The following MEST variants were observed in gnomAD, a reference collection of about 807,000 sequenced individuals.
MEST encodes the protein mesoderm-specific transcript homolog protein.
Under a neutral mutation model 50.9 loss-of-function variants are expected in MEST, and 18 were observed. That is an observed-to-expected ratio of 0.35 (90% confidence interval 0.24 to 0.52). The LOEUF (loss-of-function observed/expected upper bound fraction) is 0.52, where lower values mean the gene tolerates loss of function less well. Among genes scored for constraint, MEST ranks in the 20% least tolerant of loss-of-function variants. MEST has a pLI of 0.94. For missense variants in MEST, 282 were observed against 425.3 expected (o/e 0.66, Z 2.96); for synonymous variants, 130 against 154.1 (o/e 0.84, Z 1.16).
chr7:130,500,902 C>T lies in MEST; in HGVS notation c.749+12C>T, dbSNP rs1554438373. The stretch of plus-strand genomic sequence containing the variant: ...TTAGTCATTGACAGGTAAGAAGTTA[C>T]CCTTTGCTTTGGTTTCCAGAGACGT... On this transcript the variant is annotated intron_variant, in intron 9 of 11. Coordinates refer to ENST00000223215, the MANE Select transcript of MEST (RefSeq NM_002402.4). The surrounding 1 kb of genome is among the most constrained non-coding windows in gnomAD (Gnocchi z 5.0). 1 of 1,609,452 alleles carries T rather than the reference C, an allele frequency of 6.2e-7. No homozygotes were observed. The highest frequency in any genetic ancestry group is 1.3e-5 in the African/African-American group (1 of 74,712).
upstream of MEST, chr7:130,487,322 TTGAG>T (rs1315921431): frequency 6.6e-6 from 1 of 152,238 alleles, no homozygotes; most frequent in Non-Finnish European, 1.5e-5. Context: ...ATTTATCTGT[TTGAG>T]TGGATAAAAT....
In MEST at chr7:130,500,543, C is replaced by T; in HGVS notation, c.647+11C>T. 2 of 1,610,838 alleles carry T rather than the reference C, an allele frequency of 1.2e-6. No individual in the cohort carries two copies. The highest frequency in any genetic ancestry group is 1.7e-6 in the Non-Finnish European group (2 of 1,178,148). On this transcript the variant is annotated intron_variant, in intron 8 of 11. Transcript: ENST00000223215. The surrounding 1 kb of genome is among the most constrained non-coding windows in gnomAD (Gnocchi z 5.0). ...TGTATTCTCTCGAGGGTAAGTGTCA[C>T]TGTCAAAGATTGTGGCCTAGAGCAA...
rs1799113239 is a variant in MEST, at chr7:130,497,606, T to C, written c.262-330T>C. Reference sequence around the variant, plus strand: ...AATTTAAAAAACCTCAAGGATTTTGTTGTCAGCACCAGAAGGCTCTTGCAC... The same window carrying C: ...AATTTAAAAAACCTCAAGGATTTTGCTGTCAGCACCAGAAGGCTCTTGCAC... On this transcript the variant is annotated intron_variant, in intron 3 of 11. Coordinates refer to ENST00000223215, the MANE Select transcript of MEST (RefSeq NM_002402.4). This position sits in a 1 kb window ranked among gnomAD's most constrained non-coding sequence, Gnocchi z 4.0. 3.6e-6 allele frequency: 1 copy of C among 278,716 alleles called. No homozygotes were observed. The highest frequency in any genetic ancestry group is 6.7e-6 in the Non-Finnish European group (1 of 149,562). The allele number at this position is 278,716 out of a possible 1,614,324, so 17.3% of individuals were successfully genotyped here. A position where few individuals can be genotyped will look rare whatever the true frequency, so the allele number is the denominator to read the frequency against.
upstream of MEST, among the ~76,000 whole-genome samples, chr7:130,491,876 TG>T (rs1207624064): frequency 6.6e-6 from 1 of 151,852 alleles, no homozygotes; most frequent in Non-Finnish European, 1.5e-5. This position sits in a 1 kb window ranked among gnomAD's most constrained non-coding sequence, Gnocchi z 6.8. Flanking sequence ...AGCGGGGTCT[TG>T]GGGAGGGGGC....
At position 130,500,472 on chromosome 7, in the gene MEST, A is replaced by T; in HGVS notation, c.587A>T (p.Asp196Val). ...RPLLLQKLLKDGGVLSPILTR... is the reference protein window; with the variant it reads ...RPLLLQKLLKVGGVLSPILTR... ...CTTATTCCCCTCCAGCTACTCAAAG[A>T]TGGAGGTGTGCTGTCACCCATCCTC... is the stretch of plus-strand genomic sequence containing the variant. The change falls in exon 8 of 12, where the codon GAT (aspartate) becomes GTT (valine). Residue 196 changes from aspartate (D) to valine (V), a missense_variant. By Grantham distance (152) the Asp-to-Val change is radical. Transcript: ENST00000223215. This position sits in a 1 kb window ranked among gnomAD's most constrained non-coding sequence, Gnocchi z 5.0. 6.2e-7 allele frequency: 1 copy of T among 1,613,494 alleles called. No homozygotes were observed. The highest frequency in any genetic ancestry group is 8.5e-7 in the Non-Finnish European group (1 of 1,179,662).
chr7:130,500,504 C>T lies in MEST; in HGVS notation c.619C>T (p.Leu207=), dbSNP rs932206487. The T allele has an allele frequency of 2.5e-6, 4 of 1,613,834 alleles. No individual in the cohort carries two copies. Among genetic ancestry groups the T allele is most frequent in the Non-Finnish European group, 3.4e-6 (4 of 1,179,898 alleles). ...TGTGCTGTCACCCATCCTCACACGACTGATGAACTTCTTTGTATTCTCTCG... is the reference window on the plus strand; with the variant it reads ...TGTGCTGTCACCCATCCTCACACGATTGATGAACTTCTTTGTATTCTCTCG... The part of the protein sequence containing the change: ...GGVLSPILTR[L]MNFFVFSRGL... The change falls in exon 8 of 12, where the codon CTG becomes TTG. Residue 207 remains leucine, a synonymous_variant. Coordinates refer to ENST00000223215, the MANE Select transcript of MEST (RefSeq NM_002402.4). The surrounding 1 kb of genome is among the most constrained non-coding windows in gnomAD (Gnocchi z 5.0).
At chr7:130,488,004 A>G (rs1430272177), upstream of MEST, 1 of 152,186 alleles carries the variant, frequency 6.6e-6, no homozygotes, top group East Asian at 1.9e-4. Context: ...TAATGTCTTC[A>G]ATTTGCCTTG....
chr7:130,495,697 G>A (rs1799022613), intron 2 of MEST, 175 bp downstream of exon 2: 1 of 605,480 alleles, frequency 1.7e-6, no homozygotes, highest in African/African-American at 1.9e-5. Flanking sequence ...GGAGAATGGG[G>A]GTAGGGACTG....
chr7:130,492,080 C>A (rs1349997710), upstream of MEST: 2 of 252,730 alleles, frequency 7.9e-6, 1 homozygote, highest in African/African-American at 4.6e-5. The surrounding 1 kb of genome is among the most constrained non-coding windows in gnomAD (Gnocchi z 7.6). Context: ...CCACTCGCTC[C>A]GCGCTGCCGC....
chr7:130,498,060 G>A (rs201473325), intron 4 of MEST, 47 bp downstream of exon 4: 20 of 1,613,620 alleles, frequency 1.2e-5, no homozygotes, highest in South Asian at 1.2e-4. Flanking sequence ...GGGGGCAGAC[G>A]CAGACTATGA....
chr7:130,501,756 A>G (rs1799283093), intron 9 of MEST, among the ~76,000 whole-genome samples: 1 of 152,162 alleles, frequency 6.6e-6, no homozygotes, highest in African/African-American at 2.4e-5. Context: ...CTGTAATTTG[A>G]GCACTTTGGG....
At chr7:130,495,229 A>C (rs1010414826) in intron 1 of MEST, 139 bp from the exon 2 acceptor site, 1 of 758,078 alleles carries the variant, frequency 1.3e-6, no homozygotes, top group Non-Finnish European at 2.1e-6. Flanking sequence ...AGTCTCGGTC[A>C]GCTTTGTGCC....
intron 11 of MEST, 40 bp downstream of exon 11, chr7:130,504,036 T>G (rs1554439227): frequency 6.6e-7 from 1 of 1,524,958 alleles, no homozygotes. Context: ...TGTTAGTATC[T>G]CATCCTGACA....
chr7:130,504,549 A>C (rs1799402369), intron 11 of MEST, among the ~76,000 whole-genome samples: 2 of 152,192 alleles, frequency 1.3e-5, no homozygotes, highest in African/African-American at 2.4e-5. Context: ...AATTTTAAAT[A>C]AAATACCCCC....
intron 6 of MEST, 194 bp downstream of exon 6, chr7:130,498,671 A>ATT: frequency 1.6e-6 from 1 of 620,408 alleles, no homozygotes; most frequent in Non-Finnish European, 2.8e-6. Context: ...AATGTTTTAA[A>ATT]ATAAAGAAAC....
rs143807066 is a variant in MEST, at chr7:130,498,832, G to C, written c.535+355G>C. 2.7e-3 allele frequency: 845 copies of C among 317,430 alleles called. 2 individuals carry two copies. The highest frequency in any genetic ancestry group is 3.9e-3 in the Non-Finnish European group (674 of 170,786). The allele number at this position is 317,430 out of a possible 1,614,324, so 19.7% of individuals were successfully genotyped here. On this transcript the variant is annotated intron_variant, in intron 6 of 11. Transcript: ENST00000223215. ...AGAAGGAGTGAGGAGTGTAAAGACT[G>C]TTTGCCATATCTGAAACAACTGCAA... is the stretch of plus-strand genomic sequence containing the variant.
In MEST at chr7:130,500,963, C is replaced by G. The variant is rs149977162; in HGVS notation, c.749+73C>G. On this transcript the variant is annotated intron_variant, in intron 9 of 11. Coordinates refer to ENST00000223215, the MANE Select transcript of MEST (RefSeq NM_002402.4). This position sits in a 1 kb window ranked among gnomAD's most constrained non-coding sequence, Gnocchi z 5.0. ...AGAGTGGGGATTGCTTGTTCTGTTC[C>G]TTGCTGGCTTATTCCCTATCACAGG... 5 of 1,312,624 alleles carry G rather than the reference C, an allele frequency of 3.8e-6. No homozygotes were observed. The highest frequency in any genetic ancestry group is 5.4e-6 in the Non-Finnish European group (5 of 931,758). 81.3% of individuals were successfully genotyped at this position (1,312,624 alleles called of 1,614,324 possible).
At position 130,500,859 on chromosome 7, in the gene MEST, C is replaced by T. The variant is rs1554438355; in HGVS notation, c.718C>T (p.Arg240Cys). 9 of 1,613,868 alleles carry T rather than the reference C, an allele frequency of 5.6e-6. No homozygotes were observed. In the South Asian group the frequency reaches 6.6e-5, roughly 12 times the overall value. ...GCTGTGGGACATGTGGGCAGGGATC[C>T]GCAACAATGACGGGAACTTAGTCAT... ...SELWDMWAGI[R>C]NNDGNLVIDS... Residue 240 changes from arginine to cysteine, a missense_variant, in exon 9 of 12, where the codon CGC becomes TGC. By Grantham distance (180) the Arg-to-Cys change is radical (BLOSUM62 -3). Transcript: ENST00000223215. The surrounding 1 kb of genome is among the most constrained non-coding windows in gnomAD (Gnocchi z 5.0).
At chr7:130,501,251 A>G (rs1225482376) in intron 9 of MEST, among the ~76,000 whole-genome samples, 1 of 152,128 alleles carries the variant, frequency 6.6e-6, no homozygotes, top group Non-Finnish European at 1.5e-5. Flanking sequence ...TTCAAATGAG[A>G]ATGTAGACAC....
Sources: gnomAD v4.1 joint callset for allele counts (sites outside exome capture counted in the v4.1 genomes callset) on GRCh38, gnomAD v4.1.1 for gene constraint, Gnocchi (gnomAD v3.1) non-coding constraint, MANE v1.5 for transcripts, NCBI Gene and HGNC (gene_info 2026-07-23, HGNC 2026-07-21) for gene names.